Variants in NPC1 observed in about 807,000 individuals in gnomAD.
NPC1 encodes the protein NPC intracellular cholesterol transporter 1.
Under a neutral mutation model 140.4 loss-of-function variants are expected in NPC1, and 85 were observed. The ratio of observed to expected loss-of-function variants is 0.61; its 90% CI spans 0.51 to 0.72. The LOEUF is 0.72. Among genes scored for constraint, NPC1 ranks in the 30% least tolerant of loss-of-function variants. The pLI, the probability that NPC1 is intolerant of heterozygous loss-of-function variation, is 0.00. For synonymous variants in NPC1, 656 were observed against 624.8 expected (o/e 1.05, Z -0.74); for missense variants, 1,504 against 1,623.8 (o/e 0.93, Z 1.27).
chr18:23,540,498 C>G lies in NPC1; in HGVS notation c.2554G>C (p.Val852Leu). 6.2e-7 allele frequency: 1 copy of G among 1,612,888 alleles called. No individual in the cohort carries two copies. The highest frequency in any genetic ancestry group is 8.5e-7 in the Non-Finnish European group (1 of 1,179,312). Residue 852 changes from valine (V) to leucine (L), a missense_variant, in exon 17 of 25, where the codon GTC becomes CTC. Physicochemically the swap from Val to Leu is conservative, Grantham distance 32. Coordinates refer to ENST00000269228, the MANE Select transcript of NPC1 (RefSeq NM_000271.5). ...FVGVLSFSIA[V>L]LNKVDIGLDQ... ...AATCCAATATCTACTTTGTTCAGGA[C>G]TGCGATGCTGAATGACAGAACACCC...
At chr18:23,549,420 C>G (rs2058835100) in intron 10 of NPC1, among the ~76,000 whole-genome samples, 1 of 152,038 alleles carries the variant, frequency 6.6e-6, no homozygotes, top group Non-Finnish European at 1.5e-5. Flanking sequence ...GGTGGATCAC[C>G]TTAGGTCAGG....
chr18:23,583,051 G>A (rs113824272), intron 1 of NPC1, among the ~76,000 whole-genome samples: 1,997 of 147,128 alleles, frequency 0.014, 39 homozygotes, highest in African/African-American at 0.047. Context: ...ACACTTCAGT[G>A]AGCCACAATC....
At chr18:23,527,960 CTAAG>C, downstream of NPC1, 1 of 1,364,470 alleles carries the variant, frequency 7.3e-7, no homozygotes, top group East Asian at 2.4e-5. Context: ...CGGGTATTTT[CTAAG>C]TAATTATGAT....
At chr18:23,535,296 C>G (rs967576537) in intron 22 of NPC1, among the ~76,000 whole-genome samples, 173 bp downstream of exon 22, 1 of 152,144 alleles carries the variant, frequency 6.6e-6, no homozygotes, top group Non-Finnish European at 1.5e-5. Context: ...ATGCCCTGTC[C>G]CACCACCATC....
chr18:23,507,039 G>T, intron 3 of NPC1: 1 of 1,603,646 alleles, frequency 6.2e-7, no homozygotes, highest in South Asian at 1.1e-5. Flanking sequence ...CTGTTCAGAG[G>T]ACCTCAAAGA....
chr18:23,534,146 T>C (rs2058588039), intron 23 of NPC1: 1 of 517,154 alleles, frequency 1.9e-6, no homozygotes, highest in East Asian at 3.6e-5. Context: ...CATCACACGC[T>C]GGGTTCTGGC....
chr18:23,526,612 T>A, downstream of NPC1: 2 of 1,612,302 alleles, frequency 1.2e-6, no homozygotes, highest in South Asian at 2.2e-5. Flanking sequence ...TCATACTGTT[T>A]TATTTGCTGC....
chr18:23,541,100 G>C lies in NPC1; in HGVS notation c.2482C>G (p.Leu828Val). The C allele has an allele frequency of 1.2e-6, 2 of 1,614,238 alleles. No individual in the cohort carries two copies. Among genetic ancestry groups the C allele is most frequent in the Non-Finnish European group, 1.7e-6 (2 of 1,180,036 alleles). Residue 828 changes from leucine to valine, a missense_variant, in exon 16 of 25, where the codon CTT becomes GTT. Coordinates refer to ENST00000269228, the MANE Select transcript of NPC1 (RefSeq NM_000271.5). ...GGTCTCATCCAGTCCTTTAGCAGAAGTGGAGAATAGGAGTTTTTGAAGAAG... is the reference window on the plus strand; with the variant it reads ...GGTCTCATCCAGTCCTTTAGCAGAACTGGAGAATAGGAGTTTTTGAAGAAG... ...FRFFKNSYSP[L>V]LLKDWMRPIV...
intron 1 of NPC1, among the ~76,000 whole-genome samples, chr18:23,576,156 G>A (rs750596355): frequency 2.6e-5 from 4 of 151,994 alleles, no homozygotes; most frequent in African/African-American, 4.8e-5. Context: ...CCCGAGAGGC[G>A]GAGGTTGTGG....
downstream of NPC1, among the ~76,000 whole-genome samples, chr18:23,525,201 C>T: frequency 1.3e-5 from 2 of 151,992 alleles, no homozygotes; most frequent in East Asian, 3.9e-4. Flanking sequence ...CTGCCTCGGC[C>T]TCCCAAAGTG....
At chr18:23,543,950 A>G (rs539594282) in intron 13 of NPC1, among the ~76,000 whole-genome samples, 1 of 152,298 alleles carries the variant, frequency 6.6e-6, no homozygotes, top group East Asian at 1.9e-4. Flanking sequence ...TTGCCTTTTT[A>G]GTGGCACCTT....
Position 23,516,407 on chromosome 18 carries a change from A to G in NPC1, c.432-9765T>C, listed in dbSNP as rs777708274. The G allele has an allele frequency of 3.1e-6, 5 of 1,614,170 alleles. No individual in the cohort carries two copies. The South Asian group carries it at 4.4e-5, about 14-fold the overall frequency. ...TAAACCCAGCCTTTCCGAAAGAGAC[A>G]TCGCAATGGCTACCATGTATGTCCG... On this transcript the variant is annotated intron_variant, in intron 3 of 3. Coordinates refer to the NPC1 transcript ENST00000591107.
intron 20 of NPC1, among the ~76,000 whole-genome samples, chr18:23,537,917 A>G (rs1275631744): frequency 6.6e-6 from 1 of 152,204 alleles, no homozygotes; most frequent in Non-Finnish European, 1.5e-5. Flanking sequence ...GAAAAACCTA[A>G]GTTCAGGGTT....
rs1317076046 is a variant in NPC1, at chr18:23,535,639, C to G, written c.3307G>C (p.Gly1103Arg). The stretch of plus-strand genomic sequence containing the variant: ...AGAAATATCGCGCCCAGGGACACAC[C>G]GAGGTTGAAGATAGTGTCGTCAATG... ...TIIDDTIFNL[G>R]VSLGAIFLVT... The change falls in exon 22 of 25, where the codon GGT (glycine) becomes CGT (arginine). Residue 1103 changes from glycine to arginine, a missense_variant. Coordinates refer to ENST00000269228, the MANE Select transcript of NPC1 (RefSeq NM_000271.5). 1 of 1,614,044 alleles carries G rather than the reference C, an allele frequency of 6.2e-7. No homozygotes were observed. Among genetic ancestry groups the G allele is most frequent in the Non-Finnish European group, 8.5e-7 (1 of 1,180,010 alleles).
chr18:23,558,829 G>A (rs1055626423), intron 6 of NPC1, among the ~76,000 whole-genome samples: 1 of 151,988 alleles, frequency 6.6e-6, no homozygotes, highest in Non-Finnish European at 1.5e-5. Flanking sequence ...CCATTAACTC[G>A]TCATTTAGCA....
chr18:23,533,367 G>A lies in NPC1; in HGVS notation c.3742C>T (p.Leu1248Phe), dbSNP rs1476060267. The change falls in exon 24 of 25, where the codon CTC becomes TTC. Residue 1248 changes from leucine (L) to phenylalanine (F), a missense_variant. Leu to Phe is a conservative substitution (Grantham distance 22, BLOSUM62 0). Transcript: ENST00000269228. ...THGLIFLPVL[L>F]SYIGPSVNKA... ...TGAGAACTCTTACCTATGTAACTGA[G>A]TAAGACAGGGAGAAATATTAATCCG... 4 of 1,613,872 alleles carry A rather than the reference G, an allele frequency of 2.5e-6. No individual in the cohort carries two copies. Among genetic ancestry groups the A allele is most frequent in the East Asian group, 2.2e-5 (1 of 44,892 alleles).
Position 23,535,644 on chromosome 18 carries a change from T to C in NPC1, c.3302A>G (p.Asn1101Ser), listed in dbSNP as rs1345378760. The C allele has an allele frequency of 6.2e-7, 1 of 1,613,650 alleles. No individual in the cohort carries two copies. The highest frequency in any genetic ancestry group is 1.3e-5 in the African/African-American group (1 of 74,788). ...YLTIIDDTIF[N>S]LGVSLGAIFL... is the part of the protein sequence containing the mutation. ...TATCGCGCCCAGGGACACACCGAGG[T>C]TGAAGATAGTGTCGTCAATGATGGT... Residue 1101 changes from asparagine to serine, a missense_variant, in exon 22 of 25, where the codon AAC becomes AGC. Transcript: ENST00000269228.
At chr18:23,520,101 C>T, downstream of NPC1, 1 of 860,066 alleles carries the variant, frequency 1.2e-6, no homozygotes, top group South Asian at 1.5e-5. Context: ...AATGCAAACA[C>T]AGGCTTTTAA....
chr18:23,573,337 C>T, intron 2 of NPC1, 115 bp downstream of exon 2: 1 of 1,439,578 alleles, frequency 6.9e-7, no homozygotes, highest in Non-Finnish European at 9.8e-7. Flanking sequence ...CGGGATAAGA[C>T]TTAAGCCTGT....
Sources: gnomAD v4.1 joint callset for allele counts (sites outside exome capture counted in the v4.1 genomes callset) on GRCh38, gnomAD v4.1.1 for gene constraint, MANE v1.5 for transcripts, NCBI Gene and HGNC (gene_info 2026-07-23, HGNC 2026-07-21) for gene names.